The following UNC79 variants were observed in gnomAD, a reference collection of about 807,000 sequenced individuals.
UNC79 encodes the protein unc-79 subunit of NALCN channel complex, also known as protein unc-79 homolog.
In UNC79, 37 loss-of-function variants were observed where a neutral mutation model predicts 283.1. The observed-to-expected ratio is 0.13, with a 90% CI of 0.10 to 0.17. The LOEUF (loss-of-function observed/expected upper bound fraction) is 0.17, where lower values mean the gene tolerates loss of function less well. UNC79 is among the 10% of genes least tolerant of loss of function. The pLI, the probability that UNC79 is intolerant of heterozygous loss-of-function variation, is 1.00. For missense variants in UNC79, 2,272 were observed against 3,211.1 expected, an observed-to-expected ratio of 0.71 and a Z score of 7.07; for synonymous variants, 1,107 against 1,200.2, an observed-to-expected ratio of 0.92 and a Z score of 1.61.
chr14:93,537,448 A>C (rs930015222), intron 11 of UNC79, among the ~76,000 whole-genome samples: 1 of 152,372 alleles, frequency 6.6e-6, no homozygotes, highest in Middle Eastern at 3.4e-3. Context: ...GGCACAGCAC[A>C]GTCTCTGTCT....
exon 41 of UNC79, chr14:93,673,404 C>T (rs748276928): frequency 6.2e-7 from 1 of 1,613,176 alleles, no homozygotes; most frequent in Non-Finnish European, 8.5e-7. Context: ...TTCTGCAGGC[C>T]CTAAAGCTCA....
intron 14 of UNC79, among the ~76,000 whole-genome samples, chr14:93,550,533 A>AAAAT (rs1555449177): frequency 8.2e-6 from 1 of 122,574 alleles, no homozygotes; most frequent in African/African-American, 3.1e-5. Context: ...AAAAAAAAAA[A>AAAAT]AAAAAAAAGA....
At chr14:93,402,241 C>T (rs1267275230) in intron 1 of UNC79, among the ~76,000 whole-genome samples, 1 of 122,574 alleles carries the variant, frequency 8.2e-6, no homozygotes, top group Non-Finnish European at 1.6e-5. Context: ...TGCACCACTG[C>T]ATTCCAGCCT....
chr14:93,621,618 C>G lies in UNC79; in HGVS notation c.4388-3C>G. 6.5e-7 allele frequency: 1 copy of G among 1,533,064 alleles called. No individual in the cohort carries two copies. The allele number at this position is 1,533,064 out of a possible 1,614,324, so 95.0% of individuals were successfully genotyped here. A position where few individuals can be genotyped will look rare whatever the true frequency, so the allele number is the denominator to read the frequency against. ...TAGTACTAGCTTTTTCTGTTTTGATCAGGTGAAATAGAACTGGCTGAATAT... is the reference window on the plus strand; with the variant it reads ...TAGTACTAGCTTTTTCTGTTTTGATGAGGTGAAATAGAACTGGCTGAATAT... On this transcript the variant is annotated splice_polypyrimidine_tract_variant and splice_region_variant and intron_variant, in intron 29 of 48. Transcript: ENST00000555664. The surrounding 1 kb of genome is among the most constrained non-coding windows in gnomAD (Gnocchi z 4.8).
intron 7 of UNC79, among the ~76,000 whole-genome samples, chr14:93,508,459 T>C (rs2140820661): frequency 6.6e-6 from 1 of 152,330 alleles, no homozygotes; most frequent in South Asian, 2.1e-4. Flanking sequence ...TGTTAATCTG[T>C]GATTCCATTT....
intron 4 of UNC79, among the ~76,000 whole-genome samples, chr14:93,487,021 A>G (rs1392908040): frequency 2.0e-5 from 3 of 152,198 alleles, no homozygotes; most frequent in African/African-American, 7.2e-5. Flanking sequence ...TGAAGATGGT[A>G]AGCTCTGGAA....
At chr14:93,602,966 CT>C (rs926936849) in intron 25 of UNC79, among the ~76,000 whole-genome samples, 1 of 152,090 alleles carries the variant, frequency 6.6e-6, no homozygotes, top group African/African-American at 2.4e-5. Context: ...AATCAGTTAC[CT>C]ACAGCTCTGA....
At chr14:93,467,067 TCTTA>T (rs1474160329) in intron 1 of UNC79, among the ~76,000 whole-genome samples, 2 of 152,090 alleles carry the variant, frequency 1.3e-5, no homozygotes, top group Non-Finnish European at 2.9e-5. Flanking sequence ...ATCATTGTAT[TCTTA>T]CTTAACACTC....
intron 19 of UNC79, among the ~76,000 whole-genome samples, chr14:93,581,810 C>T (rs984393222): frequency 2.0e-5 from 3 of 152,080 alleles, no homozygotes; most frequent in African/African-American, 2.4e-5. Context: ...CTTAATATAG[C>T]TTTGTGAACC....
At chr14:93,692,694 A>T (rs1264524920) in intron 46 of UNC79, among the ~76,000 whole-genome samples, 1 of 152,238 alleles carries the variant, frequency 6.6e-6, no homozygotes, top group Non-Finnish European at 1.5e-5. Context: ...GACGGCTACC[A>T]AGAAAGGGGC....
At chr14:93,618,989 A>C (rs533536399) in intron 29 of UNC79, among the ~76,000 whole-genome samples, 5 of 152,132 alleles carry the variant, frequency 3.3e-5, no homozygotes, top group Non-Finnish European at 7.4e-5. Flanking sequence ...TTTAGTTTTT[A>C]GTGTAAGTCA....
chr14:93,685,544 C>T (rs373821898), intron 42 of UNC79, among the ~76,000 whole-genome samples: 3 of 152,256 alleles, frequency 2.0e-5, no homozygotes, highest in East Asian at 3.9e-4. Flanking sequence ...AACTGACAAG[C>T]GTAACATTCT....
At chr14:93,643,639 C>A in exon 34 of UNC79, 2 of 1,613,460 alleles carry the variant, frequency 1.2e-6, no homozygotes, top group South Asian at 2.2e-5. Context: ...CACATTCATT[C>A]ACTTAAGCCC....
chr14:93,445,828 T>G (rs974018225), intron 1 of UNC79, among the ~76,000 whole-genome samples: 18 of 152,316 alleles, frequency 1.2e-4, no homozygotes, highest in African/African-American at 4.3e-4. Flanking sequence ...TAAATTCTTC[T>G]TAAGTCAGTT....
intron 7 of UNC79, among the ~76,000 whole-genome samples, chr14:93,502,969 T>G (rs1175832865): frequency 6.6e-6 from 1 of 152,238 alleles, no homozygotes; most frequent in Non-Finnish European, 1.5e-5. Flanking sequence ...TAACTCAATC[T>G]TATCTCTACA....
At chr14:93,457,493 A>G (rs2056829294) in intron 1 of UNC79, among the ~76,000 whole-genome samples, 1 of 152,220 alleles carries the variant, frequency 6.6e-6, no homozygotes, top group African/African-American at 2.4e-5. Context: ...GCATTCCTGT[A>G]GTAGAGAATG....
At chr14:93,496,587 G>A (rs1177524865) in intron 6 of UNC79, 121 bp downstream of exon 6, 2 of 568,204 alleles carry the variant, frequency 3.5e-6, no homozygotes, top group Non-Finnish European at 5.8e-6. Context: ...TTATTTTGAT[G>A]TGGCAGAACC....
At chr14:93,514,350 G>A (rs1317907926) in intron 7 of UNC79, among the ~76,000 whole-genome samples, 2 of 152,144 alleles carry the variant, frequency 1.3e-5, no homozygotes, top group East Asian at 1.9e-4. Flanking sequence ...TCTAGAGCAC[G>A]GTCTTTATTC....
intron 31 of UNC79, among the ~76,000 whole-genome samples, chr14:93,636,840 A>G (rs796090320): frequency 3.9e-5 from 6 of 152,278 alleles, no homozygotes; most frequent in African/African-American, 9.6e-5. Context: ...CATTGCCCCA[A>G]ATGATCACTT....
Sources: allele counts gnomAD v4.1 joint callset (sites outside exome capture counted in the v4.1 genomes callset), GRCh38; gene constraint gnomAD v4.1.1; non-coding constraint Gnocchi (gnomAD v3.1); transcripts MANE v1.5; gene names NCBI Gene and HGNC (gene_info 2026-07-23, HGNC 2026-07-21).